THSD7A: variants seen among roughly 807,000 people sequenced by gnomAD.
THSD7A encodes the protein thrombospondin type-1 domain-containing protein 7A.
In THSD7A, 96 loss-of-function variants were observed where a neutral mutation model predicts 231.3. The observed-to-expected ratio is 0.41, with a 90% CI of 0.35 to 0.49. THSD7A has a LOEUF of 0.49. Among genes scored for constraint, THSD7A ranks in the 20% least tolerant of loss-of-function variants. THSD7A has a pLI of 0.05. For synonymous variants in THSD7A, 940 were observed against 743.3 expected, an observed-to-expected ratio of 1.26 and a Z score of -4.30; for missense variants, 2,290 against 2,070.2, an observed-to-expected ratio of 1.11 and a Z score of -2.06.
chr7:11,666,120 T>C (rs953488164), intron 1 of THSD7A, among the ~76,000 whole-genome samples: 6 of 152,096 alleles, frequency 3.9e-5, no homozygotes, highest in Admixed American at 6.6e-5. Flanking sequence ...GCAGTGCCTG[T>C]AGGTGTTCAA....
At chr7:11,668,489 AAG>A (rs149230098) in intron 1 of THSD7A, among the ~76,000 whole-genome samples, 26 of 39,208 alleles carry the variant, frequency 6.6e-4, no homozygotes, top group East Asian at 3.7e-3. Context: ...GACAGAAAGA[AAG>A]AGAGAGAGAG....
At chr7:11,807,887 C>T (rs1284814832) in intron 1 of THSD7A, among the ~76,000 whole-genome samples, 4 of 152,058 alleles carry the variant, frequency 2.6e-5, no homozygotes, top group Admixed American at 2.6e-4. Context: ...TCTCAGACCT[C>T]AGTAAGAACC....
chr7:11,517,604 CTTT>C (rs1345021613), intron 6 of THSD7A, among the ~76,000 whole-genome samples: 2 of 152,064 alleles, frequency 1.3e-5, no homozygotes, highest in African/African-American at 2.4e-5. Context: ...TACCTCAAGT[CTTT>C]TTTAGTTTCT....
intron 1 of THSD7A, among the ~76,000 whole-genome samples, chr7:11,729,220 T>G (rs1781644520): frequency 6.6e-6 from 1 of 151,856 alleles, no homozygotes; most frequent in African/African-American, 2.4e-5. Flanking sequence ...AAAACAAACA[T>G]TTATATTGTT....
At position 11,509,218 on chromosome 7, in the gene THSD7A, G is replaced by A. The variant is rs367826383; in HGVS notation, c.1823-27236C>T. Among the ~76,000 whole-genome samples, 26 of 152,174 alleles carry A rather than the reference G, an allele frequency of 1.7e-4. 1 individual carries two copies. Among genetic ancestry groups the A allele is most frequent in the Admixed American group, 1.3e-3 (20 of 15,282 alleles). On this transcript the variant is annotated intron_variant, in intron 6 of 27. Coordinates refer to ENST00000423059, the MANE Select transcript of THSD7A (RefSeq NM_015204.3). The stretch of plus-strand genomic sequence containing the variant: ...TCTATATTCCACTGGGAACAAAACA[G>A]TTTTCTTTGGGGCTTTGATATGGAC...
intron 6 of THSD7A, among the ~76,000 whole-genome samples, chr7:11,487,044 T>A (rs991755704): frequency 5.3e-5 from 8 of 152,236 alleles, no homozygotes; most frequent in Non-Finnish European, 1.0e-4. Context: ...TCCATTTATC[T>A]TTCTTCAAAA....
chr7:11,667,588 G>A (rs1783191868), intron 1 of THSD7A, among the ~76,000 whole-genome samples: 1 of 152,128 alleles, frequency 6.6e-6, no homozygotes, highest in Non-Finnish European at 1.5e-5. Context: ...TAAAGCAATT[G>A]CAGTGCTTAT....
chr7:11,402,899 C>G (rs1414675804), intron 22 of THSD7A, among the ~76,000 whole-genome samples: 1 of 152,112 alleles, frequency 6.6e-6, no homozygotes, highest in Non-Finnish European at 1.5e-5. Context: ...TTTTTCCCAT[C>G]ATGTTATTGT....
intron 1 of THSD7A, among the ~76,000 whole-genome samples, chr7:11,800,727 G>T (rs557473757): frequency 6.6e-6 from 1 of 152,258 alleles, no homozygotes; most frequent in Admixed American, 6.5e-5. Context: ...GGGGCTGAGG[G>T]GAGAGGGAAA....
rs921240340 is a variant in THSD7A at position 11,771,109 on chromosome 7, C to T, written c.190+60648G>A. On this transcript the variant is annotated intron_variant, in intron 1 of 27. Coordinates refer to ENST00000423059, the MANE Select transcript of THSD7A (RefSeq NM_015204.3). ...AGAAAAATATATATAGAAACATTGA[C>T]TATTAAGAGATTTTTCATCATAATT... is the stretch of plus-strand genomic sequence containing the variant. Among the ~76,000 whole-genome samples the T allele has an allele frequency of 2.7e-5, 4 of 150,734 alleles. No individual in the cohort carries two copies. The East Asian group carries it at 7.9e-4, about 30-fold the overall frequency.
At chr7:11,423,214 A>G (rs1784207951) in intron 16 of THSD7A, among the ~76,000 whole-genome samples, 1 of 152,134 alleles carries the variant, frequency 6.6e-6, no homozygotes, top group South Asian at 2.1e-4. Context: ...ATAAAATTAT[A>G]TATAGGTCCA....
At chr7:11,466,407 G>T (rs545645757) in intron 9 of THSD7A, among the ~76,000 whole-genome samples, 2 of 151,986 alleles carry the variant, frequency 1.3e-5, no homozygotes, top group African/African-American at 4.8e-5. Context: ...CACAACAAAA[G>T]GCTAGCTTTC....
At chr7:11,643,935 C>G (rs145547324) in intron 1 of THSD7A, among the ~76,000 whole-genome samples, 410 of 151,942 alleles carry the variant, frequency 2.7e-3, no homozygotes, top group Non-Finnish European at 5.0e-3. Context: ...ACCAGCAATT[C>G]CTGAGCACAT....
chr7:11,653,481 T>TGTGC, intron 1 of THSD7A, among the ~76,000 whole-genome samples: 1 of 150,726 alleles, frequency 6.6e-6, no homozygotes, highest in South Asian at 2.1e-4. Context: ...TGTGTGTGTG[T>TGTGC]GTGTGTGTGT....
chr7:11,666,582 T>G (rs2128375779), intron 1 of THSD7A, among the ~76,000 whole-genome samples: 1 of 152,148 alleles, frequency 6.6e-6, no homozygotes, highest in East Asian at 1.9e-4. Flanking sequence ...CAACATTTAA[T>G]TTAATAAAAT....
chr7:11,818,351 T>C lies in THSD7A; in HGVS notation c.190+13406A>G, dbSNP rs1340276839. ...AAATTTAATTTTCCATCAAGCAGTA[T>C]TGTTCTACGTTAGGCTGTTAATAGT... On this transcript the variant is annotated intron_variant, in intron 1 of 27. Coordinates refer to ENST00000423059, the MANE Select transcript of THSD7A (RefSeq NM_015204.3). Among the ~76,000 whole-genome samples the C allele has an allele frequency of 2.0e-5, 3 of 152,250 alleles. No individual in the cohort carries two copies. In the East Asian group the frequency reaches 5.8e-4, roughly 29 times the overall value.
chr7:11,789,973 A>G (rs890780938), intron 1 of THSD7A, among the ~76,000 whole-genome samples: 2 of 152,002 alleles, frequency 1.3e-5, no homozygotes, highest in African/African-American at 4.8e-5. Context: ...GTACTTGTTT[A>G]GAATCAGGTA....
intron 2 of THSD7A, among the ~76,000 whole-genome samples, chr7:11,619,758 G>A (rs918074546): frequency 1.3e-5 from 2 of 151,792 alleles, no homozygotes; most frequent in African/African-American, 4.8e-5. Flanking sequence ...ACAATATGAA[G>A]AAAGGTAGAA....
chr7:11,432,723 C>T (rs1311778332), intron 13 of THSD7A, among the ~76,000 whole-genome samples: 2 of 151,774 alleles, frequency 1.3e-5, no homozygotes, highest in Non-Finnish European at 2.9e-5. Context: ...TGGTGGTGGG[C>T]ATTTAGGTAG....
Sources: gnomAD v4.1 joint callset for allele counts (sites outside exome capture counted in the v4.1 genomes callset) on GRCh38, gnomAD v4.1.1 for gene constraint, MANE v1.5 for transcripts, NCBI Gene and HGNC (gene_info 2026-07-23, HGNC 2026-07-21) for gene names.